DAB1: variants seen among roughly 807,000 people sequenced by gnomAD.
DAB1 encodes DAB adaptor protein 1.
DAB1 carries 15 observed loss-of-function variants against 64.6 expected under a neutral mutation model. That is an observed-to-expected ratio of 0.23 (90% CI 0.16 to 0.36). The LOEUF (loss-of-function observed/expected upper bound fraction) is 0.36, where lower values mean the gene tolerates loss of function less well. Among genes scored for constraint, DAB1 ranks in the 10% least tolerant of loss-of-function variants. The pLI, the probability that DAB1 is intolerant of heterozygous loss-of-function variation, is 1.00. For synonymous variants in DAB1, 235 were observed against 251.9 expected (o/e 0.93, Z 0.64); for missense variants, 596 against 706.7 (o/e 0.84, Z 1.78).
In DAB1 at chr1:58,025,649, G is replaced by GTATA. The variant is rs1395128282; in HGVS notation, n.387+124861_387+124862insTATA. Among the ~76,000 whole-genome samples the GTATA allele has an allele frequency of 5.1e-3, 592 of 114,960 alleles. 13 individuals carry two copies. Among genetic ancestry groups the GTATA allele is most frequent in the African/African-American group, 0.02 (546 of 27,242 alleles). 75.4% of individuals were successfully genotyped at this position (114,960 alleles called of 152,430 possible). A position where few individuals can be genotyped will look rare whatever the true frequency, so the allele number is the denominator to read the frequency against. ...TAAATATAATATTATATATATATGT[G>GTATA]TGTATATATATATATATATATATAT... On this transcript the variant is annotated intron_variant and non_coding_transcript_variant, in intron 5 of 20. Coordinates refer to the DAB1 transcript ENST00000485760.
At chr1:57,047,749 T>G (rs1254215552) in intron 9 of DAB1, among the ~76,000 whole-genome samples, 1 of 152,212 alleles carries the variant, frequency 6.6e-6, no homozygotes. Flanking sequence ...GTGCAGCCCC[T>G]GCAGCTTCGG....
intron 9 of DAB1, among the ~76,000 whole-genome samples, chr1:57,046,254 C>G (rs1648475342): frequency 6.6e-6 from 1 of 152,204 alleles, no homozygotes; most frequent in Non-Finnish European, 1.5e-5. Flanking sequence ...GAAGTAGATA[C>G]AGCTTGCCAA....
intron 1 of DAB1, among the ~76,000 whole-genome samples, chr1:57,416,411 A>C (rs1684499388): frequency 6.6e-6 from 1 of 152,230 alleles, no homozygotes; most frequent in Admixed American, 6.5e-5. Flanking sequence ...CTGAGTAATT[A>C]CATAGCATTA....
At chr1:57,029,372 C>T (rs1317165289) in intron 9 of DAB1, among the ~76,000 whole-genome samples, 1 of 152,218 alleles carries the variant, frequency 6.6e-6, no homozygotes, top group African/African-American at 2.4e-5. Flanking sequence ...GGACAGGGCC[C>T]TCAGGAAAAC....
At chr1:57,835,608 T>TCTAGTCCTC (rs926867903) in intron 1 of DAB1, among the ~76,000 whole-genome samples, 2 of 152,154 alleles carry the variant, frequency 1.3e-5, no homozygotes, top group Non-Finnish European at 2.9e-5. Context: ...AGAGTTCTCT[T>TCTAGTCCTC]CTAGTCCTCC....
intron 4 of DAB1, among the ~76,000 whole-genome samples, chr1:58,255,554 A>C (rs1174544890): frequency 6.6e-6 from 1 of 152,168 alleles, no homozygotes; most frequent in African/African-American, 2.4e-5. Context: ...AAGAAACATT[A>C]TCTCTCCCAG....
Position 58,533,172 on chromosome 1 carries a change from T to C in DAB1, n.33-5837A>G, listed in dbSNP as rs183903190. On this transcript the variant is annotated intron_variant and non_coding_transcript_variant, in intron 1 of 20. Transcript: ENST00000485760. ...ATGTGTTATTTTTCCTGGACTTATA[T>C]CAAGATGAACAGACATGTATTCACA... is the stretch of plus-strand genomic sequence containing the variant. 4.6e-3 allele frequency among the ~76,000 whole-genome samples: 700 copies of C among 152,322 alleles called. 3 individuals carry two copies. Among genetic ancestry groups the C allele is most frequent in the Non-Finnish European group, 7.1e-3 (484 of 68,024 alleles).
intron 7 of DAB1, among the ~76,000 whole-genome samples, chr1:57,508,027 T>C (rs538991985): frequency 2.6e-5 from 4 of 152,206 alleles, no homozygotes; most frequent in East Asian, 1.9e-4. Flanking sequence ...CCCATGACTA[T>C]GTGTTTTTAA....
intron 6 of DAB1, among the ~76,000 whole-genome samples, chr1:57,673,110 C>T (rs1646527123): frequency 6.6e-6 from 1 of 152,206 alleles, no homozygotes; most frequent in South Asian, 2.1e-4. Context: ...GATCAAGGTG[C>T]TGGCAAATTA....
chr1:58,416,250 A>C (rs60590242), intron 3 of DAB1, among the ~76,000 whole-genome samples: 5,048 of 152,298 alleles, frequency 0.033, 297 homozygotes, highest in African/African-American at 0.12. Context: ...TGGCAGTGCT[A>C]GTCACACAGA....
chr1:58,180,582 A>G (rs1656740517), intron 4 of DAB1, among the ~76,000 whole-genome samples: 1 of 152,022 alleles, frequency 6.6e-6, no homozygotes, highest in African/African-American at 2.4e-5. Context: ...GGGATGAGCC[A>G]CTGTGCCTGG....
At chr1:57,097,859 G>A (rs1447947170) in intron 4 of DAB1, among the ~76,000 whole-genome samples, 2 of 151,822 alleles carry the variant, frequency 1.3e-5, no homozygotes, top group Admixed American at 6.6e-5. Context: ...CTCACTGCAA[G>A]CTCCGCCTCC....
chr1:57,426,876 T>TA (rs1383757354), upstream of DAB1, among the ~76,000 whole-genome samples: 8 of 135,058 alleles, frequency 5.9e-5, no homozygotes, highest in East Asian at 4.0e-4. Context: ...ATATATATAT[T>TA]TTTTTGAGAC....
At chr1:58,275,712 A>G (rs1661427758) in intron 4 of DAB1, among the ~76,000 whole-genome samples, 2 of 152,214 alleles carry the variant, frequency 1.3e-5, no homozygotes, top group Non-Finnish European at 1.5e-5. Context: ...TTGAAAGCCT[A>G]TGTACTCTTT....
chr1:57,883,291 T>C (rs1644173803), intron 1 of DAB1, among the ~76,000 whole-genome samples: 1 of 152,230 alleles, frequency 6.6e-6, no homozygotes, highest in Admixed American at 6.5e-5. Flanking sequence ...AAATGGCTAA[T>C]GTACAAGAAT....
chr1:57,307,725 C>T (rs944390880), intron 1 of DAB1, among the ~76,000 whole-genome samples: 1 of 152,084 alleles, frequency 6.6e-6, no homozygotes, highest in Admixed American at 6.5e-5. Flanking sequence ...CACCCCCTTT[C>T]GTATCTGTTG....
chr1:57,123,988 A>G (rs1656901366), intron 4 of DAB1, among the ~76,000 whole-genome samples: 1 of 152,116 alleles, frequency 6.6e-6, no homozygotes. Context: ...ATACTTTTAT[A>G]AACTGAAAAA....
At chr1:57,975,014 C>T (rs1345447428) in intron 5 of DAB1, among the ~76,000 whole-genome samples, 1 of 152,086 alleles carries the variant, frequency 6.6e-6, no homozygotes, top group Non-Finnish European at 1.5e-5. Flanking sequence ...TGTTTGTATT[C>T]CCCTCAAATT....
intron 1 of DAB1, among the ~76,000 whole-genome samples, chr1:57,363,215 GGTTC>G (rs1679695452): frequency 6.6e-6 from 1 of 152,190 alleles, no homozygotes; most frequent in Non-Finnish European, 1.5e-5. Context: ...CTAAGTCGGT[GGTTC>G]TTAAACTTTT....
Sources: allele counts gnomAD v4.1 joint callset (sites outside exome capture counted in the v4.1 genomes callset), GRCh38; gene constraint gnomAD v4.1.1; transcripts MANE v1.5; gene names NCBI Gene and HGNC (gene_info 2026-07-23, HGNC 2026-07-21).